Variants in CAST observed in about 807,000 individuals in gnomAD.
CAST encodes the protein MIR583 host.
Under a neutral mutation model 119.6 loss-of-function variants are expected in CAST, and 76 were observed. The ratio of observed to expected loss-of-function variants is 0.64; its 90% CI spans 0.53 to 0.77. CAST has a LOEUF of 0.77. CAST is among the 30% of genes least tolerant of loss of function. CAST has a pLI of 0.00. For synonymous variants in CAST, 319 were observed against 331.6 expected (o/e 0.96, Z 0.41); for missense variants, 953 against 946.5 (o/e 1.01, Z -0.09).
the CAST span, among the ~76,000 whole-genome samples, chr5:96,327,342 C>T: frequency 1.1e-4 from 16 of 152,304 alleles, no homozygotes; most frequent in Admixed American, 5.2e-4. Flanking sequence ...AAGCATGATA[C>T]TGCCTTCTGA....
At position 96,639,645 on chromosome 5, in the gene CAST, G is replaced by A. The variant is rs116830100; in HGVS notation, c.61-35894G>A. The stretch of plus-strand genomic sequence containing the variant: ...CCGGGAGGAGGGCCCTCTCAAAGGC[G>A]AGGATGGGCCATGCAGGGACCATAT... On this transcript the variant is annotated intron_variant, in intron 1 of 11. Transcript: ENST00000505143. Among the ~76,000 whole-genome samples, 346 of 152,322 alleles carry A rather than the reference G, an allele frequency of 2.3e-3. 1 individual carries two copies. The highest frequency in any genetic ancestry group is 7.8e-3 in the African/African-American group (325 of 41,574).
At chr5:96,758,142 G>T (rs1053368396) in intron 24 of CAST, among the ~76,000 whole-genome samples, 1 of 152,078 alleles carries the variant, frequency 6.6e-6, no homozygotes, top group African/African-American at 2.4e-5. Context: ...CAACATAGTG[G>T]ATGCTTTTAT....
At chr5:96,690,420 G>A (rs1752598522) in intron 2 of CAST, among the ~76,000 whole-genome samples, 2 of 152,162 alleles carry the variant, frequency 1.3e-5, no homozygotes, top group South Asian at 4.2e-4. Flanking sequence ...AGTAGAGATG[G>A]GGTTTCACTA....
the CAST span, among the ~76,000 whole-genome samples, chr5:96,162,656 A>G: frequency 6.6e-6 from 1 of 152,084 alleles, no homozygotes; most frequent in Non-Finnish European, 1.5e-5. Context: ...GACCCGAGGT[A>G]ATCCATCCGC....
the CAST span, among the ~76,000 whole-genome samples, chr5:96,174,667 ATACTC>A: frequency 2.9e-4 from 44 of 152,330 alleles, no homozygotes; most frequent in Admixed American, 2.4e-3. Flanking sequence ...ATACAGTTGT[ATACTC>A]TCTCTTTCTA....
chr5:96,461,459 T>G, the CAST span, among the ~76,000 whole-genome samples: 13,105 of 152,158 alleles, frequency 0.086, 1,042 homozygotes, highest in East Asian at 0.41. Flanking sequence ...AGCTGCACCA[T>G]TTTTCATTCG....
At chr5:96,035,429 A>G in the CAST span, among the ~76,000 whole-genome samples, 1 of 151,946 alleles carries the variant, frequency 6.6e-6, no homozygotes, top group Non-Finnish European at 1.5e-5. Context: ...ATCTTAGAAC[A>G]GTCTTCCCAA....
the CAST span, among the ~76,000 whole-genome samples, chr5:96,272,002 AT>A: frequency 1.3e-5 from 2 of 152,168 alleles, no homozygotes; most frequent in African/African-American, 4.8e-5. Context: ...CATCAGATAT[AT>A]TTTTTAAATG....
the CAST span, among the ~76,000 whole-genome samples, chr5:96,181,233 T>C: frequency 1.3e-5 from 2 of 152,230 alleles, no homozygotes; most frequent in Non-Finnish European, 2.9e-5. Context: ...TTACTTTTAG[T>C]TCCTGATTCA....
the CAST span, among the ~76,000 whole-genome samples, chr5:96,379,323 T>C: frequency 2.6e-5 from 4 of 152,228 alleles, no homozygotes; most frequent in African/African-American, 7.2e-5. Flanking sequence ...CTAGATTCAT[T>C]TGCTATTTCT....
At chr5:96,583,015 G>C (rs1343449406) in intron 1 of CAST, among the ~76,000 whole-genome samples, 1 of 152,088 alleles carries the variant, frequency 6.6e-6, no homozygotes, top group Non-Finnish European at 1.5e-5. Flanking sequence ...CACAAGTTAG[G>C]GAAAGACAGA....
intron 1 of CAST, among the ~76,000 whole-genome samples, chr5:96,557,062 C>T (rs981547139): frequency 6.6e-6 from 1 of 152,186 alleles, no homozygotes; most frequent in Middle Eastern, 3.4e-3. Flanking sequence ...ACTCAACATT[C>T]TTAAAGAAAA....
intron 1 of CAST, among the ~76,000 whole-genome samples, chr5:96,570,554 A>C (rs553770839): frequency 7.9e-5 from 12 of 152,280 alleles, no homozygotes; most frequent in African/African-American, 2.6e-4. Flanking sequence ...GAAGGGATGG[A>C]TGAGAAAAGA....
intron 3 of CAST, among the ~76,000 whole-genome samples, chr5:96,699,154 G>A (rs747667966): frequency 1.3e-5 from 2 of 152,034 alleles, no homozygotes; most frequent in South Asian, 2.1e-4. Context: ...GAAATTATAC[G>A]GACTCTTACT....
the CAST span, among the ~76,000 whole-genome samples, chr5:96,164,233 G>T: frequency 2.6e-3 from 391 of 152,296 alleles, 1 homozygote; most frequent in Non-Finnish European, 3.8e-3. Context: ...TATGTTGTAC[G>T]TAAAGAAAGA....
chr5:96,723,392 A>C (rs555704003), intron 4 of CAST, among the ~76,000 whole-genome samples: 5 of 152,352 alleles, frequency 3.3e-5, no homozygotes, highest in African/African-American at 1.2e-4. Flanking sequence ...TGGTCTTACT[A>C]TTCTGAGCAC....
the CAST span, among the ~76,000 whole-genome samples, chr5:95,981,994 C>G: frequency 6.6e-6 from 1 of 152,064 alleles, no homozygotes; most frequent in African/African-American, 2.4e-5. Context: ...TGTCAGGCAT[C>G]TCCCTTTCCC....
the CAST span, among the ~76,000 whole-genome samples, chr5:96,366,131 T>C: frequency 1.3e-5 from 2 of 152,240 alleles, no homozygotes; most frequent in African/African-American, 2.4e-5. Context: ...AAAATTCTTT[T>C]CTTTAAGAAT....
chr5:96,397,770 T>C, the CAST span, among the ~76,000 whole-genome samples: 1 of 152,018 alleles, frequency 6.6e-6, no homozygotes, highest in African/African-American at 2.4e-5. Context: ...TAAGGAAAAC[T>C]CGGCGAACTA....
Sources: allele counts gnomAD v4.1 joint callset (sites outside exome capture counted in the v4.1 genomes callset), GRCh38; gene constraint gnomAD v4.1.1; transcripts MANE v1.5; gene names NCBI Gene and HGNC (gene_info 2026-07-23, HGNC 2026-07-21).